GRM2: variants seen among roughly 807,000 people sequenced by gnomAD.
GRM2 encodes the protein metabotropic glutamate receptor 2.
A neutral mutation model predicts 60.4 loss-of-function variants in GRM2; 35 were observed. The ratio of observed to expected loss-of-function variants is 0.58; its 90% CI spans 0.44 to 0.77. The LOEUF (loss-of-function observed/expected upper bound fraction) is 0.77. Among genes scored for constraint, GRM2 ranks in the 30% least tolerant of loss-of-function variants. The pLI, the probability that GRM2 is intolerant of heterozygous loss-of-function variation, is 0.00. For synonymous variants in GRM2, 437 were observed against 484.1 expected (o/e 0.90, Z 1.28); for missense variants, 925 against 1,199.5 (o/e 0.77, Z 3.38).
At position 51,715,167 on chromosome 3, in the gene GRM2, G is replaced by T. The variant is rs762669966; in HGVS notation, c.1394G>T (p.Arg465Leu). The change falls in exon 4 of 6, where the codon CGC becomes CTC. Residue 465 changes from arginine (R) to leucine (L), a missense_variant. Arg to Leu is a moderately radical substitution (Grantham distance 102). Transcript: ENST00000395052. The surrounding 1 kb of genome is among the most constrained non-coding windows in gnomAD (Gnocchi z 9.0). ...ACCTATCTGCGTGCAGGCAGTGGGC[G>T]CTATCGCTACCAGAAGGTGGGCTAC... ...IFTYLRAGSG[R>L]YRYQKVGYWA... The T allele has an allele frequency of 6.2e-7, 1 of 1,613,872 alleles. No homozygotes were observed. Among genetic ancestry groups the T allele is most frequent in the East Asian group, 2.2e-5 (1 of 44,880 alleles).
At chr3:51,708,547 G>C (rs910944222) in intron 1 of GRM2, 9 of 161,974 alleles carry the variant, frequency 5.6e-5, no homozygotes, top group Non-Finnish European at 1.3e-5. Flanking sequence ...GAATTACAGA[G>C]GGGTCAGCAT....
Position 51,715,504 on chromosome 3 carries a change from C to A in GRM2, c.1731C>A (p.Leu577=). Reference sequence around the variant, plus strand: ...TGGGACCTGTCACCATCGCCTGCCTCGGTGCCCTGGCCACCCTCTTTGTGC... The same window carrying A: ...TGGGACCTGTCACCATCGCCTGCCTAGGTGCCCTGGCCACCCTCTTTGTGC... ...WAVGPVTIAC[L]GALATLFVLG... The change falls in exon 4 of 6, where the codon CTC becomes CTA. Residue 577 remains leucine, a synonymous_variant. Transcript: ENST00000395052. This position sits in a 1 kb window ranked among gnomAD's most constrained non-coding sequence, Gnocchi z 9.0. 6.2e-7 allele frequency: 1 copy of A among 1,613,180 alleles called. No homozygotes were observed. Among genetic ancestry groups the A allele is most frequent in the Non-Finnish European group, 8.5e-7 (1 of 1,180,016 alleles).
At position 51,717,545 on chromosome 3, in the gene GRM2, TCC is replaced by T; in HGVS notation, c.2365-88_2365-87del. The T allele has an allele frequency of 1.0e-6, 1 of 989,400 alleles. No homozygotes were observed. The highest frequency in any genetic ancestry group is 1.5e-5 in the South Asian group (1 of 66,620). 61.3% of individuals were successfully genotyped at this position (989,400 alleles called of 1,614,324 possible). ...ACAGCCCAGTGTTGGATGCTTAGTC[TCC>T]CCCACTCCCTCCCCCACAGATCAGG... On this transcript the variant is annotated intron_variant, in intron 4 of 5. Coordinates refer to ENST00000395052, the MANE Select transcript of GRM2 (RefSeq NM_000839.5). This position sits in a 1 kb window ranked among gnomAD's most constrained non-coding sequence, Gnocchi z 6.0.
chr3:51,717,893 C>A lies in GRM2; in HGVS notation c.2545+76C>A. On this transcript the variant is annotated intron_variant, in intron 5 of 5. Coordinates refer to ENST00000395052, the MANE Select transcript of GRM2 (RefSeq NM_000839.5). The surrounding 1 kb of genome is among the most constrained non-coding windows in gnomAD (Gnocchi z 6.0). ...TCCTTGGGTTGCTGAGATCTCTTGT[C>A]TGGGGGTGAGGTGCCCCCCAAATGA... 6.7e-7 allele frequency: 1 copy of A among 1,501,764 alleles called. No homozygotes were observed. Among genetic ancestry groups the A allele is most frequent in the Non-Finnish European group, 9.3e-7 (1 of 1,080,150 alleles). 93.0% of individuals were successfully genotyped at this position (1,501,764 alleles called of 1,614,324 possible).
rs775416347 is a variant in GRM2, at chr3:51,712,789, C to G, written c.767C>G (p.Ala256Gly). The change falls in exon 3 of 6, where the codon GCC (alanine) becomes GGC (glycine). Residue 256 changes from alanine to glycine, a missense_variant. Ala to Gly is a moderately conservative substitution (Grantham distance 60). Transcript: ENST00000395052. This position sits in a 1 kb window ranked among gnomAD's most constrained non-coding sequence, Gnocchi z 5.3. ...GCGGCCTTTGAGGGTGTGGTGCGAG[C>G]CCTGCTGCAGAAGCCCAGTGCCCGC... ...SRAAFEGVVR[A>G]LLQKPSARVA... 3 of 1,613,044 alleles carry G rather than the reference C, an allele frequency of 1.9e-6. No individual in the cohort carries two copies. The highest frequency in any genetic ancestry group is 2.5e-6 in the Non-Finnish European group (3 of 1,180,042).
Position 51,716,215 on chromosome 3 carries a change from G to A in GRM2, c.2364+78G>A, listed in dbSNP as rs1703895179. 2 of 964,374 alleles carry A rather than the reference G, an allele frequency of 2.1e-6. No homozygotes were observed. Among genetic ancestry groups the A allele is most frequent in the African/African-American group, 1.6e-5 (1 of 62,180 alleles). 59.7% of individuals were successfully genotyped at this position (964,374 alleles called of 1,614,324 possible). On this transcript the variant is annotated intron_variant, in intron 4 of 5. Transcript: ENST00000395052. This position sits in a 1 kb window ranked among gnomAD's most constrained non-coding sequence, Gnocchi z 4.0. The stretch of plus-strand genomic sequence containing the variant: ...TCCTGGTATCTTATTTAATCTACTG[G>A]TAGCTCTGGGGTTCCAAGAGGATAA...
chr3:51,712,889 C>T lies in GRM2; in HGVS notation c.867C>T (p.Phe289=). 1 of 1,613,074 alleles carries T rather than the reference C, an allele frequency of 6.2e-7. No individual in the cohort carries two copies. Among genetic ancestry groups the T allele is most frequent in the South Asian group, 1.1e-5 (1 of 91,082 alleles). Residue 289 remains phenylalanine (F), a synonymous_variant, in exon 3 of 6, where the codon TTC becomes TTT. Transcript: ENST00000395052. This position sits in a 1 kb window ranked among gnomAD's most constrained non-coding sequence, Gnocchi z 5.3. ...LAASQRLNAS[F]TWVASDGWGA... ...CCAGCCAGCGCCTCAATGCCAGCTT[C>T]ACCTGGGTGGCCAGTGATGGTTGGG...
chr3:51,713,429 G>A lies in GRM2; in HGVS notation c.1288+119G>A. 2.7e-6 allele frequency: 2 copies of A among 745,388 alleles called. No homozygotes were observed. Among genetic ancestry groups the A allele is most frequent in the Non-Finnish European group, 4.4e-6 (2 of 457,130 alleles). 46.2% of individuals were successfully genotyped at this position (745,388 alleles called of 1,614,324 possible). On this transcript the variant is annotated intron_variant, in intron 3 of 5. Transcript: ENST00000395052. This position sits in a 1 kb window ranked among gnomAD's most constrained non-coding sequence, Gnocchi z 4.8. ...TAGAGTGAAAGTAAAGGACTCACCT[G>A]GGGTGGCGTCAGAGCAAGGGCAAGG...
chr3:51,716,174 C>A lies in GRM2; in HGVS notation c.2364+37C>A. The A allele has an allele frequency of 7.5e-7, 1 of 1,329,018 alleles. No individual in the cohort carries two copies. Among genetic ancestry groups the A allele is most frequent in the Non-Finnish European group, 1.1e-6 (1 of 924,438 alleles). 82.3% of individuals were successfully genotyped at this position (1,329,018 alleles called of 1,614,324 possible). On this transcript the variant is annotated intron_variant, in intron 4 of 5. Transcript: ENST00000395052. This position sits in a 1 kb window ranked among gnomAD's most constrained non-coding sequence, Gnocchi z 4.0. ...GCCACAGAGGTCGGGGGAGATGGGA[C>A]ACCAGACCCTCTGTTTCCTGGTATC...
chr3:51,711,670 G>A (rs1389879120), intron 2 of GRM2: 1 of 152,322 alleles, frequency 6.6e-6, no homozygotes, highest in Non-Finnish European at 1.5e-5. Context: ...TGTAGGGCAG[G>A]AATGTGAAAC....
rs370998238 is a variant in GRM2, at chr3:51,712,490, G to A, written c.468G>A (p.Arg156=). Residue 156 remains arginine, a synonymous_variant, in exon 3 of 6, where the codon AGG becomes AGA. Transcript: ENST00000395052. The surrounding 1 kb of genome is among the most constrained non-coding windows in gnomAD (Gnocchi z 5.3). ...TCCCCCAGGTGGCCAACCTCTTGAG[G>A]CTATTTCAGATCCCACAGATTAGCT... is the stretch of plus-strand genomic sequence containing the variant. ...DVSIQVANLL[R]LFQIPQISYA... 3.1e-6 allele frequency: 5 copies of A among 1,613,002 alleles called. No homozygotes were observed. In the African/African-American group the frequency reaches 4.0e-5, roughly 13 times the overall value.
rs1703756780 is a variant in GRM2 at position 51,712,707 on chromosome 3, C to T, written c.685C>T (p.Arg229Cys). Residue 229 changes from arginine (R) to cysteine (C), a missense_variant, in exon 3 of 6, where the codon CGT (arginine) becomes TGT (cysteine). By Grantham distance (180) the Arg-to-Cys change is radical. Transcript: ENST00000395052. The surrounding 1 kb of genome is among the most constrained non-coding windows in gnomAD (Gnocchi z 5.3). ...TGIEAFELEA[R>C]ARNICVATSE... ...CATTGAGGCCTTTGAGCTAGAGGCT[C>T]GTGCCCGCAACATCTGTGTGGCCAC... 6 of 1,613,782 alleles carry T rather than the reference C, an allele frequency of 3.7e-6. No individual in the cohort carries two copies. Among genetic ancestry groups the T allele is most frequent in the Non-Finnish European group, 4.2e-6 (5 of 1,180,012 alleles).
rs1381889001 is a variant in GRM2 at position 51,717,401 on chromosome 3, C to T, written c.2365-236C>T. Among the ~76,000 whole-genome samples the T allele has an allele frequency of 1.3e-5, 2 of 152,122 alleles. No homozygotes were observed. The highest frequency in any genetic ancestry group is 2.9e-5 in the Non-Finnish European group (2 of 68,012). On this transcript the variant is annotated intron_variant, in intron 4 of 5. Coordinates refer to ENST00000395052, the MANE Select transcript of GRM2 (RefSeq NM_000839.5). The surrounding 1 kb of genome is among the most constrained non-coding windows in gnomAD (Gnocchi z 6.0). The stretch of plus-strand genomic sequence containing the variant: ...TGCACACACCCCTGTGTATACATGC[C>T]CCCCTGCATGTTCTCCCCTTCAGCT...
intron 2 of GRM2, among the ~76,000 whole-genome samples, chr3:51,710,196 G>A (rs1448418195): frequency 6.6e-6 from 1 of 151,864 alleles, no homozygotes; most frequent in African/African-American, 2.4e-5. Context: ...ACCTCACCAC[G>A]TTGGTCAGGC....
At position 51,718,083 on chromosome 3, in the gene GRM2, G is replaced by C; in HGVS notation, c.2590G>C (p.Val864Leu). 2 of 1,614,166 alleles carry C rather than the reference G, an allele frequency of 1.2e-6. No individual in the cohort carries two copies. Among genetic ancestry groups the C allele is most frequent in the Non-Finnish European group, 1.7e-6 (2 of 1,180,002 alleles). ...FVPTVCNGRE[V>L]VDSTTSSL The stretch of plus-strand genomic sequence containing the variant: ...CCCCACTGTTTGCAATGGCCGTGAG[G>C]TGGTGGACTCGACAACGTCATCGCT... The change falls in exon 6 of 6, where the codon GTG becomes CTG. Residue 864 changes from valine to leucine, a missense_variant. Physicochemically the swap from Val to Leu is conservative, Grantham distance 32. Coordinates refer to ENST00000395052, the MANE Select transcript of GRM2 (RefSeq NM_000839.5). This position sits in a 1 kb window ranked among gnomAD's most constrained non-coding sequence, Gnocchi z 4.2.
Position 51,709,164 on chromosome 3 carries a change from C to T in GRM2, c.181C>T (p.Arg61Cys), listed in dbSNP as rs1479358728. 2 of 1,612,316 alleles carry T rather than the reference C, an allele frequency of 1.2e-6. No homozygotes were observed. The highest frequency in any genetic ancestry group is 1.7e-6 in the Non-Finnish European group (2 of 1,179,600). Residue 61 changes from arginine (R) to cysteine (C), a missense_variant, in exon 2 of 6, where the codon CGC (arginine) becomes TGC (cysteine). Coordinates refer to ENST00000395052, the MANE Select transcript of GRM2 (RefSeq NM_000839.5). ...TGTCAATGAGCACCGTGGCATCCAG[C>T]GCCTGGAGGCCATGCTTTTTGCACT... ...GPVNEHRGIQRLEAMLFALDR... is the reference protein window; with the variant it reads ...GPVNEHRGIQCLEAMLFALDR...
At chr3:51,711,236 C>T (rs547991370) in intron 2 of GRM2, 1 of 152,302 alleles carries the variant, frequency 6.6e-6, no homozygotes. Context: ...CTGCTAGTCC[C>T]AGTCACTGGA....
At position 51,708,863 on chromosome 3, in the gene GRM2, G is replaced by T; in HGVS notation, c.-121G>T. The T allele has an allele frequency of 1.4e-6, 1 of 712,638 alleles. No individual in the cohort carries two copies. Among genetic ancestry groups the T allele is most frequent in the Non-Finnish European group, 2.2e-6 (1 of 449,446 alleles). 44.1% of individuals were successfully genotyped at this position (712,638 alleles called of 1,614,324 possible). ...CTCTCTGCAGGAGCTGGGTCCCTTC[G>T]CATCTCTCTTCTTGTCTGTCCTTTC... On this transcript the variant is annotated 5_prime_UTR_variant, in exon 2 of 6. Coordinates refer to ENST00000395052, the MANE Select transcript of GRM2 (RefSeq NM_000839.5).
chr3:51,710,874 C>T (rs1298635621), intron 2 of GRM2, among the ~76,000 whole-genome samples: 1 of 152,268 alleles, frequency 6.6e-6, no homozygotes, highest in African/African-American at 2.4e-5. Flanking sequence ...CAGATTCCCG[C>T]TTGCCAAGTG....
Sources: gnomAD v4.1 joint callset for allele counts (sites outside exome capture counted in the v4.1 genomes callset) on GRCh38, gnomAD v4.1.1 for gene constraint, Gnocchi (gnomAD v3.1) non-coding constraint, MANE v1.5 for transcripts, NCBI Gene and HGNC (gene_info 2026-07-23, HGNC 2026-07-21) for gene names.